Variants in GOT2 observed in about 807,000 individuals in gnomAD.
GOT2 encodes the protein aspartate aminotransferase, mitochondrial.
In GOT2, 17 loss-of-function variants were observed where a neutral mutation model predicts 50.0. That is an observed-to-expected ratio of 0.34 (90% CI 0.23 to 0.51). The LOEUF (loss-of-function observed/expected upper bound fraction) is 0.51, where lower values mean the gene tolerates loss of function less well. Ranked by LOEUF, GOT2 falls within the 20% of genes least tolerant of loss-of-function variation. The probability of loss-of-function intolerance (pLI) is 0.97; values close to 1 mark genes in which losing one functional copy is unlikely to be tolerated. For synonymous variants in GOT2, 172 were observed against 204.9 expected (o/e 0.84, Z 1.37); for missense variants, 430 against 559.6 (o/e 0.77, Z 2.34).
rs760486927 is a variant in GOT2 at position 58,734,265 on chromosome 16, G to C, written c.-37C>G. On this transcript the variant is annotated 5_prime_UTR_variant, in exon 1 of 10. Coordinates refer to ENST00000245206, the MANE Select transcript of GOT2 (RefSeq NM_002080.4). ...GGAGGGCAGTGGGCAGCCGCAGGAC[G>C]GAGCAGAGGGCGAGCGGACACACAC... is the stretch of plus-strand genomic sequence containing the variant. 2 of 1,129,906 alleles carry C rather than the reference G, an allele frequency of 1.8e-6. No individual in the cohort carries two copies. Among genetic ancestry groups the C allele is most frequent in the Non-Finnish European group, 1.2e-6 (1 of 868,870 alleles). The allele number at this position is 1,129,906 out of a possible 1,614,324, so 70.0% of individuals were successfully genotyped here.
At chr16:58,731,296 C>T (rs1036658489) in intron 1 of GOT2, among the ~76,000 whole-genome samples, 1 of 152,118 alleles carries the variant, frequency 6.6e-6, no homozygotes, top group East Asian at 1.9e-4. Flanking sequence ...AGGTGCACAT[C>T]ACCATGCCCG....
At position 58,726,463 on chromosome 16, in the gene GOT2, C is replaced by T. The variant is rs376508609; in HGVS notation, c.90-2561G>A. Among the ~76,000 whole-genome samples, 31 of 151,564 alleles carry T rather than the reference C, an allele frequency of 2.0e-4. 1 individual carries two copies. In the South Asian group the frequency reaches 6.0e-3, roughly 30 times the overall value. Reference sequence around the variant, plus strand: ...CCCCCCAAAGTGCTGAGATTACAGGCGTGAGCCGCCCCCGGCCTGCTTTAT... The same window carrying T: ...CCCCCCAAAGTGCTGAGATTACAGGTGTGAGCCGCCCCCGGCCTGCTTTAT... On this transcript the variant is annotated intron_variant, in intron 1 of 9. Transcript: ENST00000245206.
intron 4 of GOT2, 121 bp downstream of exon 4, chr16:58,719,075 C>T: frequency 1.3e-6 from 1 of 756,898 alleles, no homozygotes; most frequent in Non-Finnish European, 2.4e-6. Flanking sequence ...GAGAATAGGA[C>T]ATCTGCAAAC....
At chr16:58,718,460 G>A (rs1048647933) in intron 5 of GOT2, 67 bp downstream of exon 5, 28 of 1,443,288 alleles carry the variant, frequency 1.9e-5, no homozygotes, top group Middle Eastern at 1.8e-4. Flanking sequence ...GGGACATGGT[G>A]GGAGACATCA....
chr16:58,723,092 TGGAG>T (rs886205270), intron 2 of GOT2, among the ~76,000 whole-genome samples: 1 of 152,200 alleles, frequency 6.6e-6, no homozygotes, highest in Non-Finnish European at 1.5e-5. Flanking sequence ...CTCTGTTAAA[TGGAG>T]GAACTATTTC....
At chr16:58,718,733 G>C (rs1351089742) in intron 4 of GOT2, 45 bp from the exon 5 acceptor site, 1 of 1,470,224 alleles carries the variant, frequency 6.8e-7, no homozygotes, top group Non-Finnish European at 9.2e-7. Flanking sequence ...ACAAAGGAGA[G>C]GCAAAAAAAT....
intron 1 of GOT2, among the ~76,000 whole-genome samples, chr16:58,727,884 G>A (rs2044800342): frequency 6.6e-6 from 1 of 152,208 alleles, no homozygotes; most frequent in South Asian, 2.1e-4. Context: ...CTCATCCACT[G>A]TGAATCAGCC....
intron 3 of GOT2, 55 bp downstream of exon 3, chr16:58,722,095 A>G (rs1333575182): frequency 3.8e-6 from 6 of 1,593,342 alleles, no homozygotes; most frequent in Non-Finnish European, 5.2e-6. Context: ...TTGTTTAAAT[A>G]ATTACAAATT....
chr16:58,729,723 C>A (rs1003589787), intron 1 of GOT2, among the ~76,000 whole-genome samples: 3 of 150,330 alleles, frequency 2.0e-5, no homozygotes, highest in Non-Finnish European at 3.0e-5. Flanking sequence ...TTTAAGAATT[C>A]TTTTTTTTTG....
intron 2 of GOT2, 137 bp from the exon 3 acceptor site, chr16:58,722,415 G>C (rs564627468): frequency 1.3e-5 from 10 of 766,622 alleles, no homozygotes; most frequent in Admixed American, 2.6e-5. Flanking sequence ...CTGTCACCCA[G>C]GCTGGAGTGC....
At chr16:58,711,947 C>T (rs2044652013) in intron 8 of GOT2, among the ~76,000 whole-genome samples, 1 of 152,116 alleles carries the variant, frequency 6.6e-6, no homozygotes, top group Admixed American at 6.6e-5. Context: ...GGCTGTCTCC[C>T]ACAGTCCTCC....
chr16:58,734,172 C>A lies in GOT2; in HGVS notation c.57G>T (p.Pro19=), dbSNP rs754379149. 7.5e-7 allele frequency: 1 copy of A among 1,332,802 alleles called. No homozygotes were observed. Among genetic ancestry groups the A allele is most frequent in the Non-Finnish European group, 9.7e-7 (1 of 1,035,894 alleles). The allele number at this position is 1,332,802 out of a possible 1,614,324, so 82.6% of individuals were successfully genotyped here. A position where few individuals can be genotyped will look rare whatever the true frequency, so the allele number is the denominator to read the frequency against. ...TGGCAGAGGCCGCGGCGGCGAGGCC[C>A]GGGTGGAAGGCGGCGGCGATCCCGG... ...VLPGIAAAFH[P]GLAAAASARA... Residue 19 remains proline (P), a synonymous_variant, in exon 1 of 10, where the codon CCG becomes CCT. Coordinates refer to ENST00000245206, the MANE Select transcript of GOT2 (RefSeq NM_002080.4).
At chr16:58,734,058 GA>G (rs993878759) in intron 1 of GOT2, 81 bp downstream of exon 1, 8 of 677,796 alleles carry the variant, frequency 1.2e-5, no homozygotes, top group Admixed American at 3.9e-5. Context: ...TGGGGGCCGG[GA>G]GGGGTGAATG....
rs1453751250 is a variant in GOT2, at chr16:58,718,549, G to A, written c.575C>T (p.Thr192Ile). Reference sequence around the variant, plus strand: ...TACTGAAATATCCTCCACAGCGCCTGTGAAGTCAAAACCGCAAGTCTTGGG... The same window carrying A: ...TACTGAAATATCCTCCACAGCGCCTATGAAGTCAAAACCGCAAGTCTTGGG... The part of the protein sequence containing the change: ...YDPKTCGFDF[T>I]GAVEDISKIP... The change falls in exon 5 of 10, where the codon ACA becomes ATA. Residue 192 changes from threonine (T) to isoleucine (I), a missense_variant. Coordinates refer to ENST00000245206, the MANE Select transcript of GOT2 (RefSeq NM_002080.4). The A allele has an allele frequency of 1.3e-6, 2 of 1,589,808 alleles. No individual in the cohort carries two copies. Among genetic ancestry groups the A allele is most frequent in the African/African-American group, 2.7e-5 (2 of 73,678 alleles).
chr16:58,724,602 G>C (rs1385321535), intron 1 of GOT2, among the ~76,000 whole-genome samples: 1 of 152,082 alleles, frequency 6.6e-6, no homozygotes, highest in Non-Finnish European at 1.5e-5. Context: ...GTGCAATGAC[G>C]TGATCTCAGC....
chr16:58,726,278 C>T (rs376052252), intron 1 of GOT2, among the ~76,000 whole-genome samples: 30 of 152,074 alleles, frequency 2.0e-4, no homozygotes, highest in African/African-American at 3.6e-4. Context: ...ATCCGCCTCC[C>T]GGGTTCAAGC....
chr16:58,725,036 T>C (rs1036146337), intron 1 of GOT2, among the ~76,000 whole-genome samples: 2 of 152,180 alleles, frequency 1.3e-5, no homozygotes, highest in African/African-American at 4.8e-5. Context: ...ATGTTTTTCT[T>C]ATTAGACTGG....
At chr16:58,709,365 G>A in intron 9 of GOT2, 52 bp downstream of exon 9, 1 of 1,389,442 alleles carries the variant, frequency 7.2e-7, no homozygotes, top group Non-Finnish European at 9.8e-7. Context: ...AATCCTTCGG[G>A]TTTGCAAAGA....
chr16:58,732,384 AG>A (rs1320564524), intron 1 of GOT2, among the ~76,000 whole-genome samples: 1 of 152,212 alleles, frequency 6.6e-6, no homozygotes, highest in Non-Finnish European at 1.5e-5. Context: ...AGTCGAGAGA[AG>A]GAACAATAAA....
Sources: allele counts gnomAD v4.1 joint callset (sites outside exome capture counted in the v4.1 genomes callset), GRCh38; gene constraint gnomAD v4.1.1; transcripts MANE v1.5; gene names NCBI Gene and HGNC (gene_info 2026-07-23, HGNC 2026-07-21).